The following ZNF500 variants were observed in gnomAD, a reference collection of about 807,000 sequenced individuals.
ZNF500 encodes zinc finger protein with KRAB and SCAN domains 18.
In ZNF500, 31 loss-of-function variants were observed where a neutral mutation model predicts 30.1. The ratio of observed to expected loss-of-function variants is 1.03; its 90% CI spans 0.77 to 1.39. ZNF500 has a LOEUF of 1.39. ZNF500 is among the 40% of genes most tolerant of loss of function. The pLI is 0.00. For synonymous variants in ZNF500, 392 were observed against 282.0 expected (o/e 1.39, Z -3.91); for missense variants, 817 against 657.8 (o/e 1.24, Z -2.65).
At chr16:4,761,808 A>G (rs8059723) in intron 4 of ZNF500, among the ~76,000 whole-genome samples, 8,138 of 152,076 alleles carry the variant, frequency 0.054, 373 homozygotes, top group African/African-American at 0.12. Flanking sequence ...AGTGAGCTGT[A>G]ATCACACTAC....
chr16:4,757,541 C>T (rs1475481115), intron 5 of ZNF500, among the ~76,000 whole-genome samples: 1 of 152,110 alleles, frequency 6.6e-6, no homozygotes, highest in Non-Finnish European at 1.5e-5. Flanking sequence ...CTCGAGCAAT[C>T]CACCCGCCTT....
At chr16:4,761,841 G>A (rs1162827219) in intron 4 of ZNF500, among the ~76,000 whole-genome samples, 1 of 151,618 alleles carries the variant, frequency 6.6e-6, no homozygotes, top group Non-Finnish European at 1.5e-5. Context: ...TGAGCACAGA[G>A]CCAGACTTTG....
At chr16:4,760,685 C>G in intron 4 of ZNF500, 97 bp from the exon 5 acceptor site, 1 of 1,085,738 alleles carries the variant, frequency 9.2e-7, no homozygotes, top group Non-Finnish European at 1.3e-6. Context: ...CACTGCCCCT[C>G]GAGGCTGGCG....
rs892400685 is a variant in ZNF500, at chr16:4,749,350, T to C, written c.*3026A>G. 6.5e-6 allele frequency: 1 copy of C among 154,436 alleles called. No homozygotes were observed. Among genetic ancestry groups the C allele is most frequent in the Admixed American group, 6.5e-5 (1 of 15,292 alleles). 9.6% of individuals were successfully genotyped at this position (154,436 alleles called of 1,614,324 possible). Reference sequence around the variant, plus strand: ...ACCTTTTTAATGCCAGTAACCTCACTGAGAATGTTTTACAGTGATGGAAAA... The same window carrying C: ...ACCTTTTTAATGCCAGTAACCTCACCGAGAATGTTTTACAGTGATGGAAAA... On this transcript the variant is annotated 3_prime_UTR_variant, in exon 6 of 6. Coordinates refer to ENST00000219478, the MANE Select transcript of ZNF500 (RefSeq NM_021646.4).
At chr16:4,745,843 C>G (rs552763875), downstream of ZNF500, among the ~76,000 whole-genome samples, 127 of 151,546 alleles carry the variant, frequency 8.4e-4, 1 homozygote, top group Non-Finnish European at 1.2e-3. Flanking sequence ...ATCCCAGCTA[C>G]TTGGGAGGCT....
chr16:4,744,987 C>G (rs2081996014), downstream of ZNF500: 1 of 1,613,524 alleles, frequency 6.2e-7, no homozygotes, highest in Admixed American at 1.7e-5. Flanking sequence ...CCCCAGGACA[C>G]CAAAGAGGCA....
rs759451682 is a variant in ZNF500 at position 4,765,668 on chromosome 16, C to T, written c.311G>A (p.Gly104Glu). The change falls in exon 2 of 6, where the codon GGG becomes GAG. Residue 104 changes from glycine (G) to glutamate (E), a missense_variant. Physicochemically the swap from Gly to Glu is moderately conservative, Grantham distance 98. Coordinates refer to ENST00000219478, the MANE Select transcript of ZNF500 (RefSeq NM_021646.4). ...VLEQFLTVLP[G>E]EIQARVREQQ... ...CTCGCGTACCCGAGCCTGGATCTCC[C>T]CCGGCAGCACAGTCAGGAACTGCTC... is the stretch of plus-strand genomic sequence containing the variant. 3.7e-6 allele frequency: 6 copies of T among 1,613,698 alleles called. No individual in the cohort carries two copies. The highest frequency in any genetic ancestry group is 3.3e-5 in the Admixed American group (2 of 60,028).
intron 2 of ZNF500, chr16:4,763,999 G>A: frequency 1.0e-6 from 1 of 985,444 alleles, no homozygotes; most frequent in East Asian, 1.1e-4. Context: ...CAGGTGGCAG[G>A]ACTTCTTTCT....
chr16:4,765,670 C>T lies in ZNF500; in HGVS notation c.309G>A (p.Pro103=), dbSNP rs752571587. 5.6e-6 allele frequency: 9 copies of T among 1,613,700 alleles called. No individual in the cohort carries two copies. Among genetic ancestry groups the T allele is most frequent in the Admixed American group, 1.7e-5 (1 of 60,026 alleles). ...LVLEQFLTVL[P]GEIQARVREQ... ...CGCGTACCCGAGCCTGGATCTCCCCCGGCAGCACAGTCAGGAACTGCTCCA... is the reference window on the plus strand; with the variant it reads ...CGCGTACCCGAGCCTGGATCTCCCCTGGCAGCACAGTCAGGAACTGCTCCA... Residue 103 remains proline (P), a synonymous_variant, in exon 2 of 6, where the codon CCG becomes CCA. Coordinates refer to ENST00000219478, the MANE Select transcript of ZNF500 (RefSeq NM_021646.4).
downstream of ZNF500, chr16:4,747,647 C>A: frequency 6.3e-7 from 1 of 1,585,936 alleles, no homozygotes; most frequent in Non-Finnish European, 8.6e-7. Flanking sequence ...AGTGGGATCC[C>A]AGGAGTGGGC....
At chr16:4,756,631 C>T (rs867339652) in intron 5 of ZNF500, 1 of 152,276 alleles carries the variant, frequency 6.6e-6, no homozygotes, top group Non-Finnish European at 1.5e-5. Flanking sequence ...ATTCTCCTGC[C>T]TCAGCCTCTG....
chr16:4,753,153 G>C (rs1190700393), intron 5 of ZNF500, 95 bp from the exon 6 acceptor site: 1 of 1,458,964 alleles, frequency 6.9e-7, no homozygotes, highest in African/African-American at 1.4e-5. Context: ...GGGCTCCTAA[G>C]GTTCCCCTAC....
At chr16:4,746,031 G>T, downstream of ZNF500, 1 of 206,354 alleles carries the variant, frequency 4.8e-6, no homozygotes, top group Non-Finnish European at 9.7e-6. Context: ...AGCCGTGTGT[G>T]GCTACTAAAC....
rs557388054 is a variant in ZNF500 at position 4,748,830 on chromosome 16, G to C, written c.*3546C>G. Reference sequence around the variant, plus strand: ...AGCACAGTAGGGCGCCGGGCCTTTGGGACAGTGTCCCAGCTTCCCCTGGGG... The same window carrying C: ...AGCACAGTAGGGCGCCGGGCCTTTGCGACAGTGTCCCAGCTTCCCCTGGGG... On this transcript the variant is annotated 3_prime_UTR_variant, in exon 6 of 6. Coordinates refer to ENST00000219478, the MANE Select transcript of ZNF500 (RefSeq NM_021646.4). 8.5e-5 allele frequency: 13 copies of C among 152,472 alleles called. No homozygotes were observed. Among genetic ancestry groups the C allele is most frequent in the African/African-American group, 2.6e-4 (11 of 41,594 alleles). The allele number at this position is 152,472 out of a possible 1,614,324, so 9.4% of individuals were successfully genotyped here. A position where few individuals can be genotyped will look rare whatever the true frequency, so the allele number is the denominator to read the frequency against.
intron 2 of ZNF500, chr16:4,764,021 G>A: frequency 4.1e-6 from 4 of 985,418 alleles, no homozygotes; most frequent in Non-Finnish European, 4.8e-6. Context: ...ATCTCAAGGA[G>A]TTCCACAACT....
Position 4,752,454 on chromosome 16 carries a change from G to A in ZNF500, c.1365C>T (p.His455=). 1.3e-6 allele frequency: 2 copies of A among 1,542,678 alleles called. No homozygotes were observed. The highest frequency in any genetic ancestry group is 2.0e-5 in the Admixed American group (1 of 51,222). ...GFRRGTDLHK[H]QRTHMGAGSL... is the part of the protein sequence containing the mutation. ...AGCCTGCCCCCATGTGGGTCCGCTGGTGCTTGTGCAGGTCGGTGCCCCGGC... is the reference window on the plus strand; with the variant it reads ...AGCCTGCCCCCATGTGGGTCCGCTGATGCTTGTGCAGGTCGGTGCCCCGGC... The change falls in exon 6 of 6, where the codon CAC becomes CAT. Residue 455 remains histidine (H), a synonymous_variant. Coordinates refer to ENST00000219478, the MANE Select transcript of ZNF500 (RefSeq NM_021646.4).
intron 5 of ZNF500, among the ~76,000 whole-genome samples, chr16:4,754,548 C>T (rs1253522449): frequency 6.6e-6 from 1 of 151,518 alleles, no homozygotes. Context: ...CCTGTAATCC[C>T]AGCTACTTGG....
downstream of ZNF500, chr16:4,746,684 G>A (rs534025297): frequency 5.1e-6 from 5 of 975,366 alleles, no homozygotes; most frequent in South Asian, 7.0e-5. Context: ...CTGCAGGGAG[G>A]GAAGAGGGGC....
At chr16:4,746,697 G>A (rs1005668640), downstream of ZNF500, 21 of 874,350 alleles carry the variant, frequency 2.4e-5, no homozygotes, top group African/African-American at 3.4e-5. Context: ...AGAGGGGCAT[G>A]AGGCACACCT....
Sources: allele counts gnomAD v4.1 joint callset (sites outside exome capture counted in the v4.1 genomes callset), GRCh38; gene constraint gnomAD v4.1.1; transcripts MANE v1.5; gene names NCBI Gene and HGNC (gene_info 2026-07-23, HGNC 2026-07-21).